Variants in CSNK2A2IP observed in about 807,000 individuals in gnomAD.
CSNK2A2IP encodes the protein casein kinase 2 subunit alpha' interacting protein, also known as casein kinase II subunit alpha'-interacting protein.
chr3:88,416,119 A>T, the CSNK2A2IP span, among the ~76,000 whole-genome samples: 11 of 151,802 alleles, frequency 7.2e-5, 1 homozygote, highest in Middle Eastern at 6.8e-3. Context: ...AAAAATAGAA[A>T]AATTAGCCTG....
chr3:88,434,655 G>T, the CSNK2A2IP span, among the ~76,000 whole-genome samples: 1 of 152,116 alleles, frequency 6.6e-6, no homozygotes, highest in Non-Finnish European at 1.5e-5. Flanking sequence ...CAGTTGTAAT[G>T]CAAAGCAGGT....
At chr3:88,447,752 A>G in the CSNK2A2IP span, among the ~76,000 whole-genome samples, 2 of 152,168 alleles carry the variant, frequency 1.3e-5, no homozygotes, top group East Asian at 3.9e-4. Context: ...TTTATTTTCT[A>G]TGTCTTCTAC....
the CSNK2A2IP span, among the ~76,000 whole-genome samples, chr3:88,452,248 T>C: frequency 1.3e-5 from 2 of 152,086 alleles, no homozygotes. Flanking sequence ...TATGAGGCTT[T>C]ATCTGTGGAA....
chr3:88,446,536 CAG>C, the CSNK2A2IP span, among the ~76,000 whole-genome samples: 1 of 152,078 alleles, frequency 6.6e-6, no homozygotes, highest in African/African-American at 2.4e-5. Flanking sequence ...TTTTAGGGTC[CAG>C]AGTTAGTTAC....
the CSNK2A2IP span, among the ~76,000 whole-genome samples, chr3:88,411,676 G>A: frequency 6.6e-6 from 1 of 151,612 alleles, no homozygotes; most frequent in Admixed American, 6.6e-5. Flanking sequence ...ACTTAGATAT[G>A]GGTATCTACT....
the CSNK2A2IP span, among the ~76,000 whole-genome samples, chr3:88,429,600 T>C: frequency 6.6e-6 from 1 of 152,144 alleles, no homozygotes; most frequent in Non-Finnish European, 1.5e-5. Context: ...ATGTTCTCTA[T>C]ACCTTTCATT....
chr3:88,383,911 C>T, the CSNK2A2IP span, among the ~76,000 whole-genome samples: 1 of 152,104 alleles, frequency 6.6e-6, no homozygotes, highest in African/African-American at 2.4e-5. Flanking sequence ...GATCTGCCTG[C>T]CTCGGCCTCC....
At chr3:88,376,200 G>A in the CSNK2A2IP span, among the ~76,000 whole-genome samples, 1,263 of 151,642 alleles carry the variant, frequency 8.3e-3, 15 homozygotes, top group Non-Finnish European at 9.6e-3. Context: ...TGTGCTCTGT[G>A]ATTTGACCTC....
chr3:88,357,048 C>T, the CSNK2A2IP span, among the ~76,000 whole-genome samples: 1 of 151,950 alleles, frequency 6.6e-6, no homozygotes, highest in Non-Finnish European at 1.5e-5. Context: ...ATATTTTCTC[C>T]TGTTTTGTGG....
At chr3:88,399,676 AC>A in the CSNK2A2IP span, 1 of 152,158 alleles carries the variant, frequency 6.6e-6, no homozygotes, top group Non-Finnish European at 1.5e-5. Flanking sequence ...TCCTCCGCAA[AC>A]TAAAGACAGC....
chr3:88,466,823 A>T, the CSNK2A2IP span: 2 of 927,540 alleles, frequency 2.2e-6, no homozygotes, highest in East Asian at 3.3e-5. Flanking sequence ...CCATGTAACC[A>T]TCTTAGAGGA....
chr3:88,417,147 G>A, the CSNK2A2IP span, among the ~76,000 whole-genome samples: 1 of 151,502 alleles, frequency 6.6e-6, no homozygotes, highest in African/African-American at 2.4e-5. Context: ...TTTATATACT[G>A]CGTTGATAGA....
At chr3:88,339,229 C>T in the CSNK2A2IP span, among the ~76,000 whole-genome samples, 9 of 151,956 alleles carry the variant, frequency 5.9e-5, no homozygotes, top group Middle Eastern at 3.4e-3. Context: ...CCTTCCCAGC[C>T]TCTGGTAACC....
At chr3:88,412,033 T>C in the CSNK2A2IP span, among the ~76,000 whole-genome samples, 1 of 151,820 alleles carries the variant, frequency 6.6e-6, no homozygotes, top group South Asian at 2.1e-4. Context: ...AGAGAAAGGG[T>C]AATATAATAT....
the CSNK2A2IP span, among the ~76,000 whole-genome samples, chr3:88,358,783 G>A: frequency 0.38 from 58,138 of 151,894 alleles, 14,116 homozygotes; most frequent in South Asian, 0.6. Flanking sequence ...AGAAATACTG[G>A]CCAGCAGTTT....
At chr3:88,407,628 G>A in the CSNK2A2IP span, among the ~76,000 whole-genome samples, 4 of 152,106 alleles carry the variant, frequency 2.6e-5, no homozygotes, top group African/African-American at 9.7e-5. Context: ...TTTTTAAATG[G>A]CTTAGAGCTT....
chr3:88,353,710 A>C, the CSNK2A2IP span, among the ~76,000 whole-genome samples: 1 of 152,220 alleles, frequency 6.6e-6, no homozygotes, highest in Non-Finnish European at 1.5e-5. Context: ...TTACACTCTA[A>C]TCATATCTAT....
chr3:88,376,358 A>T, the CSNK2A2IP span, among the ~76,000 whole-genome samples: 1 of 149,212 alleles, frequency 6.7e-6, no homozygotes, highest in African/African-American at 2.4e-5. Flanking sequence ...CAGCAAATAT[A>T]TTTTTTTTTT....
the CSNK2A2IP span, among the ~76,000 whole-genome samples, chr3:88,359,429 C>T: frequency 6.6e-6 from 1 of 151,496 alleles, no homozygotes; most frequent in Admixed American, 6.6e-5. Context: ...TAGGCTTTTG[C>T]ATTTCTAGTT....
Sources: allele counts gnomAD v4.1 joint callset (sites outside exome capture counted in the v4.1 genomes callset), GRCh38; gene constraint gnomAD v4.1.1; transcripts MANE v1.5; gene names NCBI Gene and HGNC (gene_info 2026-07-23, HGNC 2026-07-21).